Variants in NOVA1 observed in about 807,000 individuals in gnomAD.
The protein encoded by NOVA1 is RNA-binding protein Nova-1.
A neutral mutation model predicts 38.0 loss-of-function variants in NOVA1; 7 were observed. The observed-to-expected ratio is 0.18, with a 90% CI of 0.10 to 0.35. NOVA1 has a LOEUF of 0.35. NOVA1 is among the 10% of genes least tolerant of loss of function. The probability of loss-of-function intolerance (pLI) is 1.00; values close to 1 mark genes in which losing one functional copy is unlikely to be tolerated. For synonymous variants in NOVA1, 270 were observed against 232.5 expected (o/e 1.16, Z -1.47); for missense variants, 460 against 616.0 (o/e 0.75, Z 2.68).
intron 2 of NOVA1, among the ~76,000 whole-genome samples, chr14:26,540,002 G>C (rs1890359787): frequency 6.6e-6 from 1 of 152,040 alleles, no homozygotes; most frequent in South Asian, 2.1e-4. Context: ...AATAGTAGTT[G>C]GGTTTAAGTC....
intron 2 of NOVA1, among the ~76,000 whole-genome samples, chr14:26,571,549 C>G (rs1303079234): frequency 2.0e-5 from 3 of 152,142 alleles, no homozygotes; most frequent in Non-Finnish European, 4.4e-5. Flanking sequence ...AAAAAGATGT[C>G]CACAAGAGCG....
intron 4 of NOVA1, among the ~76,000 whole-genome samples, chr14:26,467,391 T>A (rs1347251009): frequency 6.6e-6 from 1 of 152,176 alleles, no homozygotes; most frequent in Non-Finnish European, 1.5e-5. Context: ...TTTGGTGGAA[T>A]GGCGGAGGCA....
intron 2 of NOVA1, among the ~76,000 whole-genome samples, chr14:26,587,879 G>A (rs1304243028): frequency 2.0e-5 from 3 of 150,768 alleles, no homozygotes; most frequent in Non-Finnish European, 4.5e-5. Flanking sequence ...CCCTAGATTA[G>A]ATCTTAAAAC....
At chr14:26,555,568 G>GT (rs1469629172) in intron 2 of NOVA1, among the ~76,000 whole-genome samples, 4 of 151,960 alleles carry the variant, frequency 2.6e-5, no homozygotes, top group Admixed American at 6.6e-5. Flanking sequence ...AAATTTATAC[G>GT]TTTTTTCTAC....
intron 3 of NOVA1, among the ~76,000 whole-genome samples, chr14:26,476,906 G>A (rs1315041827): frequency 1.3e-5 from 2 of 151,112 alleles, no homozygotes; most frequent in African/African-American, 2.5e-5. Flanking sequence ...GTAGAGATGG[G>A]GTTTCTCTAT....
At chr14:26,581,866 CAT>C (rs1893247300) in intron 2 of NOVA1, among the ~76,000 whole-genome samples, 2 of 151,932 alleles carry the variant, frequency 1.3e-5, no homozygotes, top group East Asian at 3.9e-4. Flanking sequence ...ATTAACTTGA[CAT>C]ATCACAAATA....
chr14:26,468,122 A>G (rs964872318), intron 4 of NOVA1, among the ~76,000 whole-genome samples: 1 of 152,106 alleles, frequency 6.6e-6, no homozygotes, highest in Non-Finnish European at 1.5e-5. Flanking sequence ...TTCAATATAT[A>G]AGACTCCATT....
At chr14:26,449,087 T>C in intron 4 of NOVA1, 124 bp from the exon 5 acceptor site, 3 of 903,058 alleles carry the variant, frequency 3.3e-6, no homozygotes, top group Admixed American at 2.9e-5. Flanking sequence ...GAAACAGAAA[T>C]ATCACAACTT....
rs1415486533 is a variant in NOVA1 at position 26,469,094 on chromosome 14, C to T, written c.519+3226G>A. 2.0e-5 allele frequency among the ~76,000 whole-genome samples: 3 copies of T among 152,152 alleles called. No individual in the cohort carries two copies. In the East Asian group the frequency reaches 5.8e-4, roughly 29 times the overall value. ...TGCTTTAAATAATTTGATCTATTTG[C>T]TATATCTTTATATCTGCTTCATATT... On this transcript the variant is annotated intron_variant, in intron 4 of 4. Coordinates refer to ENST00000539517, the MANE Select transcript of NOVA1 (RefSeq NM_002515.3).
At position 26,499,808 on chromosome 14, in the gene NOVA1, CAG is replaced by C. The variant is rs1309659811; in HGVS notation, c.281-19667_281-19666del. Among the ~76,000 whole-genome samples the C allele has an allele frequency of 5.3e-5, 8 of 152,200 alleles. No individual in the cohort carries two copies. In the East Asian group the frequency reaches 1.3e-3, roughly 26 times the overall value. ...GACTTATAAAGTGTTTTGTACATAG[CAG>C]AAAGCCTTCTTATTAGCCACAGTCA... On this transcript the variant is annotated intron_variant, in intron 2 of 4. Transcript: ENST00000539517.
chr14:26,534,794 C>T (rs1370133962), intron 2 of NOVA1, among the ~76,000 whole-genome samples: 3 of 151,934 alleles, frequency 2.0e-5, no homozygotes, highest in African/African-American at 7.3e-5. Flanking sequence ...TAAATATAAT[C>T]ACAAGAGGGA....
intron 2 of NOVA1, among the ~76,000 whole-genome samples, chr14:26,591,891 A>C (rs1893869732): frequency 6.6e-6 from 1 of 151,556 alleles, no homozygotes; most frequent in African/African-American, 2.4e-5. Context: ...TAATAATTTC[A>C]AATTTTAAAT....
intron 2 of NOVA1, among the ~76,000 whole-genome samples, chr14:26,500,533 T>C (rs989847923): frequency 3.3e-5 from 5 of 151,650 alleles, no homozygotes; most frequent in Non-Finnish European, 7.4e-5. Context: ...AAAAGGATTG[T>C]CAGAACTATG....
intron 2 of NOVA1, among the ~76,000 whole-genome samples, chr14:26,499,969 G>A (rs1236668599): frequency 6.6e-6 from 1 of 152,000 alleles, no homozygotes; most frequent in Non-Finnish European, 1.5e-5. Flanking sequence ...TAATTACACT[G>A]GTTTTCATTT....
intron 2 of NOVA1, among the ~76,000 whole-genome samples, chr14:26,548,216 T>A (rs1193762828): frequency 6.6e-6 from 1 of 152,040 alleles, no homozygotes; most frequent in Non-Finnish European, 1.5e-5. Context: ...AATATCTTGG[T>A]AAGGTACAAT....
Position 26,496,309 on chromosome 14 carries a change from C to T in NOVA1, c.281-16166G>A, listed in dbSNP as rs979662617. Among the ~76,000 whole-genome samples the T allele has an allele frequency of 2.6e-5, 4 of 152,312 alleles. No homozygotes were observed. In the East Asian group the frequency reaches 7.7e-4, roughly 29 times the overall value. On this transcript the variant is annotated intron_variant, in intron 2 of 4. Transcript: ENST00000539517. ...ATAAATGTCTTCTTTTGAGAAGTGG[C>T]TGTTCATGTCCTTCGCCCACTTTTT...
chr14:26,479,858 T>TAGA, intron 3 of NOVA1, 119 bp downstream of exon 3: 1 of 1,019,864 alleles, frequency 9.8e-7, no homozygotes, highest in Non-Finnish European at 1.4e-6. Context: ...ATGACAACTC[T>TAGA]GGTATGTTTT....
At chr14:26,570,934 T>C (rs1892435744) in intron 2 of NOVA1, among the ~76,000 whole-genome samples, 1 of 151,964 alleles carries the variant, frequency 6.6e-6, no homozygotes, top group Non-Finnish European at 1.5e-5. Context: ...ATATTATAAA[T>C]AGGTCTAAGA....
intron 2 of NOVA1, among the ~76,000 whole-genome samples, chr14:26,544,793 T>C (rs1447596819): frequency 6.6e-6 from 1 of 151,926 alleles, no homozygotes; most frequent in Non-Finnish European, 1.5e-5. Context: ...CAGCATTTTA[T>C]CAAGGAGCAG....
Sources: gnomAD v4.1 joint callset for allele counts (sites outside exome capture counted in the v4.1 genomes callset) on GRCh38, gnomAD v4.1.1 for gene constraint, MANE v1.5 for transcripts, NCBI Gene and HGNC (gene_info 2026-07-23, HGNC 2026-07-21) for gene names.